The following RAB4B variants were observed in gnomAD, a reference collection of about 807,000 sequenced individuals.
RAB4B encodes the protein ras-related protein Rab-4B.
RAB4B carries 15 observed loss-of-function variants against 28.3 expected under a neutral mutation model. That is an observed-to-expected ratio of 0.53 (90% CI 0.35 to 0.82). The LOEUF (loss-of-function observed/expected upper bound fraction) is 0.82, where lower values mean the gene tolerates loss of function less well. Among genes scored for constraint, RAB4B ranks in the 40% least tolerant of loss-of-function variants. The pLI, the probability that RAB4B is intolerant of heterozygous loss-of-function variation, is 0.01. For synonymous variants in RAB4B, 108 were observed against 116.3 expected, an observed-to-expected ratio of 0.93 and a Z score of 0.46; for missense variants, 244 against 288.5, an observed-to-expected ratio of 0.85 and a Z score of 1.12.
chr19:40,784,605 C>G (rs1359563633), intron 5 of RAB4B, among the ~76,000 whole-genome samples: 2 of 152,160 alleles, frequency 1.3e-5, no homozygotes, highest in African/African-American at 4.8e-5. Flanking sequence ...CACAGTGTTT[C>G]TGCCCCACAG....
intron 7 of RAB4B, among the ~76,000 whole-genome samples, chr19:40,788,449 G>T (rs1408835538): frequency 1.4e-5 from 2 of 142,218 alleles, no homozygotes; most frequent in Non-Finnish European, 3.0e-5. Context: ...ATGCGCCACT[G>T]CATTCCAGCC....
At chr19:40,795,239 C>T (rs926023847) in intron 7 of RAB4B, among the ~76,000 whole-genome samples, 4 of 150,376 alleles carry the variant, frequency 2.7e-5, no homozygotes, top group Admixed American at 6.6e-5. Context: ...CCAGGTAATG[C>T]TATATACAAC....
chr19:40,782,077 A>ATTCT (rs2083054579), intron 3 of RAB4B, among the ~76,000 whole-genome samples: 1 of 151,672 alleles, frequency 6.6e-6, no homozygotes, highest in Non-Finnish European at 1.5e-5. Context: ...CAGGGAGAGA[A>ATTCT]ATAGAGGGAA....
At chr19:40,785,006 G>A (rs761933293) in intron 5 of RAB4B, among the ~76,000 whole-genome samples, 1 of 151,834 alleles carries the variant, frequency 6.6e-6, no homozygotes, top group Non-Finnish European at 1.5e-5. Flanking sequence ...GTAGAGACGG[G>A]GTTTCACCAT....
chr19:40,796,458 G>C (rs2083210629), intron 7 of RAB4B, 112 bp from the exon 8 acceptor site: 1 of 152,416 alleles, frequency 6.6e-6, no homozygotes, highest in South Asian at 2.1e-4. Context: ...GGAGAAGAAA[G>C]GTATGGACAG....
chr19:40,792,063 T>C (rs1432573768), intron 7 of RAB4B, among the ~76,000 whole-genome samples: 1 of 152,242 alleles, frequency 6.6e-6, no homozygotes, highest in Non-Finnish European at 1.5e-5. Context: ...CCTTGGCAGC[T>C]CCAGGGTGGG....
chr19:40,789,171 C>T (rs1260673217), intron 7 of RAB4B, among the ~76,000 whole-genome samples: 1 of 151,632 alleles, frequency 6.6e-6, no homozygotes, highest in East Asian at 1.9e-4. Flanking sequence ...GTTGAGATTA[C>T]AGGCGTGAGC....
intron 7 of RAB4B, among the ~76,000 whole-genome samples, chr19:40,790,503 T>A (rs1385689953): frequency 6.6e-6 from 1 of 150,716 alleles, no homozygotes; most frequent in Non-Finnish European, 1.5e-5. Context: ...CCTGAGTAGC[T>A]GGGACTACAG....
chr19:40,790,022 G>C (rs2083142244), intron 7 of RAB4B, among the ~76,000 whole-genome samples: 1 of 152,226 alleles, frequency 6.6e-6, no homozygotes, highest in African/African-American at 2.4e-5. Context: ...GGTACAGCAT[G>C]AGATGGGGTC....
chr19:40,781,630 G>A (rs77510272), intron 3 of RAB4B, among the ~76,000 whole-genome samples: 3,560 of 152,066 alleles, frequency 0.023, 63 homozygotes, highest in Non-Finnish European at 0.036. Context: ...AGAAATGGAC[G>A]TGTTGTGGGA....
At position 40,778,271 on chromosome 19, in the gene RAB4B, G is replaced by A; in HGVS notation, c.-105G>A. 1.8e-6 allele frequency: 2 copies of A among 1,133,168 alleles called. No individual in the cohort carries two copies. The highest frequency in any genetic ancestry group is 2.4e-6 in the Non-Finnish European group (2 of 828,766). The allele number at this position is 1,133,168 out of a possible 1,614,324, so 70.2% of individuals were successfully genotyped here. A position where few individuals can be genotyped will look rare whatever the true frequency, so the allele number is the denominator to read the frequency against. ...CGGAAGTGGCGGTGCCGGGCCCGGG[G>A]AGTAGGAAGGAGCCGGGGCTGTAGC... On this transcript the variant is annotated 5_prime_UTR_variant, in exon 1 of 8. Coordinates refer to ENST00000357052, the MANE Select transcript of RAB4B (RefSeq NM_016154.5).
At chr19:40,779,162 CGTA>C (rs1402496841) in intron 1 of RAB4B, 3 of 287,200 alleles carry the variant, frequency 1.0e-5, no homozygotes, top group Non-Finnish European at 1.6e-5. Context: ...AGGGCTATAT[CGTA>C]GTCCTTGTTT....
At chr19:40,782,201 G>C (rs2083055982) in intron 3 of RAB4B, among the ~76,000 whole-genome samples, 1 of 152,082 alleles carries the variant, frequency 6.6e-6, no homozygotes, top group Admixed American at 6.6e-5. Context: ...GAGAGGGGCT[G>C]AAGGATAGAC....
At chr19:40,791,748 C>T (rs1159780058) in intron 7 of RAB4B, among the ~76,000 whole-genome samples, 1 of 152,012 alleles carries the variant, frequency 6.6e-6, no homozygotes, top group African/African-American at 2.4e-5. Context: ...TTCTGGTGCC[C>T]CAGCCTCCTG....
chr19:40,781,328 AAATAAAT>A (rs2083045964), intron 3 of RAB4B, among the ~76,000 whole-genome samples: 1 of 150,680 alleles, frequency 6.6e-6, no homozygotes, highest in African/African-American at 2.4e-5. Context: ...ATAAATAAAT[AAATAAAT>A]AAATAAATAA....
At chr19:40,786,447 T>G in intron 5 of RAB4B, 2 of 601,768 alleles carry the variant, frequency 3.3e-6, no homozygotes, top group Middle Eastern at 5.0e-4. Context: ...GGAGGACTTC[T>G]TGGAGGAGGA....
rs562102920 is a variant in RAB4B at position 40,783,506 on chromosome 19, T to C, written c.213-272T>C. 3.3e-5 allele frequency among the ~76,000 whole-genome samples: 5 copies of C among 151,752 alleles called. No homozygotes were observed. The East Asian group carries it at 5.8e-4, about 18-fold the overall frequency. ...AGAGAAAAACAGACGAATGGAAAGATAGGGACACAGGGAGAGACAAAAATG... is the reference window on the plus strand; with the variant it reads ...AGAGAAAAACAGACGAATGGAAAGACAGGGACACAGGGAGAGACAAAAATG... On this transcript the variant is annotated intron_variant, in intron 3 of 7. Transcript: ENST00000357052.
At chr19:40,788,784 C>CTTTTTT (rs1173685187) in intron 7 of RAB4B, among the ~76,000 whole-genome samples, 36 of 84,194 alleles carry the variant, frequency 4.3e-4, no homozygotes, top group East Asian at 1.0e-3. Flanking sequence ...GACAGGGTTT[C>CTTTTTT]TTTTTTTTTT....
At position 40,786,766 on chromosome 19, in the gene RAB4B, G is replaced by A. The variant is rs763843593; in HGVS notation, c.526+6G>A. The A allele has an allele frequency of 6.2e-7, 1 of 1,614,112 alleles. No homozygotes were observed. The highest frequency in any genetic ancestry group is 8.5e-7 in the Non-Finnish European group (1 of 1,179,984). On this transcript the variant is annotated splice_donor_region_variant and intron_variant, in intron 6 of 7. Transcript: ENST00000357052. ...CCTCAACAAGATTGACTCAGGTGAG[G>A]CCCCGACCGGCCCGAGTGGGAGCGA...
Sources: allele counts gnomAD v4.1 joint callset (sites outside exome capture counted in the v4.1 genomes callset), GRCh38; gene constraint gnomAD v4.1.1; transcripts MANE v1.5; gene names NCBI Gene and HGNC (gene_info 2026-07-23, HGNC 2026-07-21).